Variants in AGBL1 observed in about 807,000 individuals in gnomAD.
The protein encoded by AGBL1 is AGBL carboxypeptidase 1, also known as cytosolic carboxypeptidase 4.
A neutral mutation model predicts 118.9 loss-of-function variants in AGBL1; 130 were observed. The ratio of observed to expected loss-of-function variants is 1.09; its 90% CI spans 0.95 to 1.26. AGBL1 has a LOEUF of 1.26. Ranked by LOEUF, AGBL1 falls within the 50% of genes most tolerant of loss-of-function variation. The pLI is 0.00. For synonymous variants in AGBL1, 555 were observed against 478.9 expected (o/e 1.16, Z -2.08); for missense variants, 1,584 against 1,298.1 (o/e 1.22, Z -3.38).
Position 86,730,364 on chromosome 15 carries a change from G to C in AGBL1, c.3158+55928G>C, listed in dbSNP as rs1453804376. 4.6e-5 allele frequency among the ~76,000 whole-genome samples: 7 copies of C among 152,112 alleles called. No individual in the cohort carries two copies. In the East Asian group the frequency reaches 1.3e-3, roughly 29 times the overall value. ...ATTTGCAAACCATACAACCAACAAA[G>C]ATCTAATATCCAGAATCTATAAGAA... On this transcript the variant is annotated intron_variant, in intron 22 of 22. Transcript: ENST00000614907.
intron 3 of AGBL1, among the ~76,000 whole-genome samples, chr15:86,153,936 T>C (rs1455433359): frequency 6.6e-6 from 1 of 152,194 alleles, no homozygotes; most frequent in Non-Finnish European, 1.5e-5. Flanking sequence ...AATACCATTA[T>C]TACAAACCTA....
At chr15:86,356,177 G>A (rs762859659) in intron 17 of AGBL1, among the ~76,000 whole-genome samples, 1 of 152,130 alleles carries the variant, frequency 6.6e-6, no homozygotes, top group African/African-American at 2.4e-5. Context: ...CTGGGAAGGG[G>A]TAATGGAAAT....
At chr15:86,969,475 G>A (rs914863527) in intron 23 of AGBL1, among the ~76,000 whole-genome samples, 1 of 152,020 alleles carries the variant, frequency 6.6e-6, no homozygotes, top group African/African-American at 2.4e-5. Context: ...GAGTCAGTGA[G>A]GATACATGCA....
At chr15:86,379,087 A>G (rs1306721249) in intron 17 of AGBL1, among the ~76,000 whole-genome samples, 1 of 151,704 alleles carries the variant, frequency 6.6e-6, no homozygotes, top group Non-Finnish European at 1.5e-5. Flanking sequence ...TGATTTTTGT[A>G]TTTTTAGTAA....
chr15:86,162,990 A>T (rs1050799113), intron 5 of AGBL1, among the ~76,000 whole-genome samples: 1 of 152,210 alleles, frequency 6.6e-6, no homozygotes, highest in African/African-American at 2.4e-5. Flanking sequence ...CCTTCTTTCG[A>T]CATGCATTCT....
chr15:86,849,525 T>TTTTTTTG (rs1161973918), intron 22 of AGBL1, among the ~76,000 whole-genome samples: 2 of 151,124 alleles, frequency 1.3e-5, no homozygotes, highest in Non-Finnish European at 3.0e-5. Flanking sequence ...TTCTTTTTTT[T>TTTTTTTG]TTTTTTTGGC....
At chr15:86,232,188 C>T (rs2078466747) in intron 6 of AGBL1, among the ~76,000 whole-genome samples, 1 of 152,270 alleles carries the variant, frequency 6.6e-6, no homozygotes, top group East Asian at 1.9e-4. Context: ...TTGCATAAGT[C>T]CATAGAAGAG....
intron 18 of AGBL1, among the ~76,000 whole-genome samples, chr15:86,404,719 TA>T (rs1215448157): frequency 1.3e-5 from 2 of 152,226 alleles, no homozygotes; most frequent in Non-Finnish European, 2.9e-5. Flanking sequence ...CTGCCTTTTC[TA>T]CATGGGATTA....
In AGBL1 at chr15:86,636,760, C is replaced by CACAT. The variant is rs1555432761; in HGVS notation, c.2995-37505_2995-37502dup. ...ATATATATATATATATATATATATA[C>CACAT]ACATACATACAGAAAGGCAAGAGAA... On this transcript the variant is annotated intron_variant, in intron 21 of 22. Coordinates refer to ENST00000614907, the MANE Select transcript of AGBL1 (RefSeq NM_001386094.1). Among the ~76,000 whole-genome samples the CACAT allele has an allele frequency of 1.2e-3, 34 of 27,512 alleles. 8 individuals are homozygous for CACAT. In the East Asian group the frequency reaches 0.039, roughly 32 times the overall value. The allele number at this position is 27,512 out of a possible 152,430, so 18.0% of individuals were successfully genotyped here. A position where few individuals can be genotyped will look rare whatever the true frequency, so the allele number is the denominator to read the frequency against.
chr15:87,014,250 A>G (rs2081588442), intron 24 of AGBL1, among the ~76,000 whole-genome samples: 1 of 146,004 alleles, frequency 6.8e-6, no homozygotes, highest in Admixed American at 7.0e-5. Context: ...ATGTTTTCAC[A>G]AAGAAGGCTG....
chr15:86,087,270 A>T (rs893560553), intron 1 of AGBL1, among the ~76,000 whole-genome samples: 2 of 151,488 alleles, frequency 1.3e-5, no homozygotes, highest in African/African-American at 2.4e-5. Context: ...ACATTTCTGA[A>T]ACAGCTTCTG....
At chr15:86,369,346 C>A (rs183793434) in intron 17 of AGBL1, among the ~76,000 whole-genome samples, 124 of 152,178 alleles carry the variant, frequency 8.1e-4, no homozygotes, top group African/African-American at 2.9e-3. Context: ...TTGGGGAGTG[C>A]AGATGCATTG....
chr15:87,005,438 T>C (rs961851033), intron 24 of AGBL1, among the ~76,000 whole-genome samples: 2 of 152,204 alleles, frequency 1.3e-5, no homozygotes, highest in African/African-American at 4.8e-5. Context: ...GTTTCATTCA[T>C]TTGATCTTCA....
chr15:86,713,249 C>A (rs933316617), intron 22 of AGBL1, among the ~76,000 whole-genome samples: 2 of 152,022 alleles, frequency 1.3e-5, no homozygotes, highest in Non-Finnish European at 2.9e-5. Flanking sequence ...AAAATTCAGG[C>A]AGCATGTTTA....
At chr15:86,415,447 A>C (rs528607720) in intron 18 of AGBL1, among the ~76,000 whole-genome samples, 32 of 152,286 alleles carry the variant, frequency 2.1e-4, no homozygotes, top group Non-Finnish European at 7.3e-5. Context: ...GGCCATTATG[A>C]GTTAAGTGAG....
intron 1 of AGBL1, among the ~76,000 whole-genome samples, chr15:86,104,777 C>T (rs2141513992): frequency 6.6e-6 from 1 of 152,288 alleles, no homozygotes; most frequent in Middle Eastern, 3.4e-3. Context: ...CTTCCTGTAG[C>T]TTCTTAGGAC....
chr15:86,610,549 A>G (rs535336951), intron 21 of AGBL1, among the ~76,000 whole-genome samples: 1 of 152,128 alleles, frequency 6.6e-6, no homozygotes, highest in Non-Finnish European at 1.5e-5. Flanking sequence ...AAACAGATAA[A>G]CAAAGGAGTT....
chr15:86,801,134 C>T (rs1177003696), intron 22 of AGBL1, among the ~76,000 whole-genome samples: 1 of 152,078 alleles, frequency 6.6e-6, no homozygotes, highest in Non-Finnish European at 1.5e-5. Context: ...CATTCACCAT[C>T]TTACAGCTTC....
chr15:86,515,614 T>G lies in AGBL1; in HGVS notation c.2556-7196T>G, dbSNP rs547335999. Among the ~76,000 whole-genome samples, 21 of 152,338 alleles carry G rather than the reference T, an allele frequency of 1.4e-4. No homozygotes were observed. In the South Asian group the frequency reaches 3.7e-3, roughly 27 times the overall value. The stretch of plus-strand genomic sequence containing the variant: ...GATTTTAAATAAATGACCCTTAGTT[T>G]TATCTACTAAATAATGTTATGTTGT... On this transcript the variant is annotated intron_variant, in intron 18 of 22. Transcript: ENST00000614907.
Sources: allele counts gnomAD v4.1 joint callset (sites outside exome capture counted in the v4.1 genomes callset), GRCh38; gene constraint gnomAD v4.1.1; transcripts MANE v1.5; gene names NCBI Gene and HGNC (gene_info 2026-07-23, HGNC 2026-07-21).